The following IQCM variants were observed in gnomAD, a reference collection of about 807,000 sequenced individuals.
IQCM encodes IQ domain-containing protein M.
Under a neutral mutation model 57.6 loss-of-function variants are expected in IQCM, and 45 were observed. That is an observed-to-expected ratio of 0.78 (90% CI 0.62 to 1.00). The LOEUF is 1.00. Ranked by LOEUF, IQCM falls within the 50% of genes least tolerant of loss-of-function variation. The pLI, the probability that IQCM is intolerant of heterozygous loss-of-function variation, is 0.00. For synonymous variants in IQCM, 148 were observed against 158.9 expected, an observed-to-expected ratio of 0.93 and a Z score of 0.51; for missense variants, 468 against 511.6, an observed-to-expected ratio of 0.91 and a Z score of 0.82.
At chr4:149,363,521 T>C (rs1242014114) in intron 13 of IQCM, among the ~76,000 whole-genome samples, 1 of 152,192 alleles carries the variant, frequency 6.6e-6, no homozygotes, top group African/African-American at 2.4e-5. Flanking sequence ...TATATATATG[T>C]ATGTGGTTAT....
At chr4:149,469,428 AG>A in intron 12 of IQCM, among the ~76,000 whole-genome samples, 1 of 152,356 alleles carries the variant, frequency 6.6e-6, no homozygotes, top group Admixed American at 6.5e-5. Context: ...TAGAGAAAAA[AG>A]AATAAAAAGA....
intron 5 of IQCM, among the ~76,000 whole-genome samples, chr4:149,690,040 A>G (rs1280983097): frequency 2.6e-5 from 4 of 152,168 alleles, no homozygotes; most frequent in South Asian, 4.1e-4. Context: ...CTACCATTTG[A>G]TCCAGTAATC....
At chr4:149,388,477 GACACAT>G (rs1731582203) in intron 13 of IQCM, among the ~76,000 whole-genome samples, 3 of 143,058 alleles carry the variant, frequency 2.1e-5, no homozygotes, top group African/African-American at 5.2e-5. Flanking sequence ...ATGCTTATTG[GACACAT>G]ACATATATGT....
At chr4:149,418,845 A>T (rs1733932288) in intron 13 of IQCM, among the ~76,000 whole-genome samples, 1 of 152,146 alleles carries the variant, frequency 6.6e-6, no homozygotes, top group African/African-American at 2.4e-5. Flanking sequence ...CTTGTACACC[A>T]ACAACAGGCA....
At chr4:149,485,085 T>TTG (rs1560900493) in intron 12 of IQCM, among the ~76,000 whole-genome samples, 1 of 152,114 alleles carries the variant, frequency 6.6e-6, no homozygotes, top group Non-Finnish European at 1.5e-5. Flanking sequence ...GCCAGACATA[T>TTG]TGTAGCTCCA....
At chr4:149,754,624 T>TGGAAA (rs1342427872) in intron 2 of IQCM, among the ~76,000 whole-genome samples, 9 of 152,302 alleles carry the variant, frequency 5.9e-5, no homozygotes, top group Non-Finnish European at 1.0e-4. Flanking sequence ...TTCATTTAGC[T>TGGAAA]TCCAGGGATT....
At chr4:149,411,977 C>T (rs192179663) in intron 13 of IQCM, among the ~76,000 whole-genome samples, 1 of 152,062 alleles carries the variant, frequency 6.6e-6, no homozygotes, top group Admixed American at 6.6e-5. Flanking sequence ...GCTATATAGT[C>T]TTTTTAGATG....
At chr4:149,539,101 C>T (rs1747592457) in intron 12 of IQCM, among the ~76,000 whole-genome samples, 1 of 152,032 alleles carries the variant, frequency 6.6e-6, no homozygotes, top group Non-Finnish European at 1.5e-5. Flanking sequence ...ATTAAAACCA[C>T]AATGAGATCT....
At chr4:149,790,863 G>A (rs1185696279) in intron 2 of IQCM, among the ~76,000 whole-genome samples, 1 of 151,834 alleles carries the variant, frequency 6.6e-6, no homozygotes. Flanking sequence ...TATTCTATCA[G>A]TCTTTTTAAC....
intron 13 of IQCM, among the ~76,000 whole-genome samples, chr4:149,407,164 C>T (rs1446376657): frequency 1.3e-5 from 2 of 148,952 alleles, no homozygotes; most frequent in African/African-American, 2.6e-5. Flanking sequence ...ATTCAATTAT[C>T]CCCCCCCAGG....
At chr4:149,802,423 C>T (rs1773687142) in intron 2 of IQCM, among the ~76,000 whole-genome samples, 1 of 151,926 alleles carries the variant, frequency 6.6e-6, no homozygotes, top group African/African-American at 2.4e-5. Context: ...ACAGGCTAGA[C>T]ACCATAACTC....
At chr4:149,359,010 A>G (rs1006862386) in intron 13 of IQCM, among the ~76,000 whole-genome samples, 1 of 148,262 alleles carries the variant, frequency 6.7e-6, no homozygotes, top group African/African-American at 2.6e-5. Flanking sequence ...AAAAATGAAA[A>G]AACCTAAAGA....
chr4:149,651,935 G>A (rs1759219813), intron 7 of IQCM, among the ~76,000 whole-genome samples: 1 of 152,144 alleles, frequency 6.6e-6, no homozygotes, highest in Non-Finnish European at 1.5e-5. Context: ...ATTTGACCCA[G>A]CAATCCCATT....
rs922113228 is a variant in IQCM at position 149,351,892 on chromosome 4, T to C, written c.*59A>G. The C allele has an allele frequency of 1.7e-4, 66 of 398,096 alleles. No individual in the cohort carries two copies. Among genetic ancestry groups the C allele is most frequent in the Non-Finnish European group, 3.5e-5 (8 of 225,708 alleles). 24.7% of individuals were successfully genotyped at this position (398,096 alleles called of 1,614,324 possible). On this transcript the variant is annotated 3_prime_UTR_variant, in exon 14 of 14. Coordinates refer to ENST00000636793, the MANE Select transcript of IQCM (RefSeq NM_001363507.2). ...TACAGAATTGATCCACCTCCAGTGT[T>C]AACTTGTCTCTTTGGGTAGAGAAGT...
intron 10 of IQCM, among the ~76,000 whole-genome samples, chr4:149,563,463 G>A (rs1262180256): frequency 6.6e-6 from 1 of 151,990 alleles, no homozygotes; most frequent in Non-Finnish European, 1.5e-5. Context: ...GCAGGCACCT[G>A]TAATCCCAGC....
intron 13 of IQCM, among the ~76,000 whole-genome samples, chr4:149,405,247 GAATT>G (rs1390376461): frequency 6.6e-6 from 1 of 152,106 alleles, no homozygotes; most frequent in Non-Finnish European, 1.5e-5. Context: ...GTTGATCACT[GAATT>G]AAGTCAAACA....
intron 9 of IQCM, among the ~76,000 whole-genome samples, chr4:149,580,664 A>T (rs1311473105): frequency 1.3e-4 from 19 of 151,766 alleles, no homozygotes; most frequent in Admixed American, 1.3e-3. Context: ...GGGAGACTGC[A>T]TCATTAATAA....
intron 10 of IQCM, among the ~76,000 whole-genome samples, chr4:149,554,844 C>A (rs560143183): frequency 6.6e-6 from 1 of 151,654 alleles, no homozygotes; most frequent in Non-Finnish European, 1.5e-5. Flanking sequence ...GGACTACAGG[C>A]GCCCCCCACC....
intron 13 of IQCM, among the ~76,000 whole-genome samples, chr4:149,362,815 T>C (rs1729586015): frequency 6.6e-6 from 1 of 152,224 alleles, no homozygotes. Flanking sequence ...TCCAGAACAC[T>C]GGCAGAAGAA....
Sources: allele counts gnomAD v4.1 joint callset (sites outside exome capture counted in the v4.1 genomes callset), GRCh38; gene constraint gnomAD v4.1.1; transcripts MANE v1.5; gene names NCBI Gene and HGNC (gene_info 2026-07-23, HGNC 2026-07-21).